PTPN4: variants seen among roughly 807,000 people sequenced by gnomAD.
PTPN4 encodes tyrosine-protein phosphatase non-receptor type 4.
PTPN4 carries 49 observed loss-of-function variants against 135.5 expected under a neutral mutation model. The observed-to-expected ratio is 0.36, with a 90% CI of 0.29 to 0.46. PTPN4 has a LOEUF of 0.46. Among genes scored for constraint, PTPN4 ranks in the 20% least tolerant of loss-of-function variants. The pLI, the probability that PTPN4 is intolerant of heterozygous loss-of-function variation, is 1.00. For missense variants in PTPN4, 860 were observed against 1,101.0 expected (o/e 0.78, Z 3.10); for synonymous variants, 333 against 369.9 (o/e 0.90, Z 1.14).
At chr2:119,842,562 C>T (rs1677397378) in intron 2 of PTPN4, among the ~76,000 whole-genome samples, 2 of 152,168 alleles carry the variant, frequency 1.3e-5, no homozygotes, top group African/African-American at 4.8e-5. Flanking sequence ...CAGAAAAATT[C>T]AGGTGGACTC....
chr2:119,949,123 T>C (rs1333042005), intron 18 of PTPN4, among the ~76,000 whole-genome samples: 1 of 152,176 alleles, frequency 6.6e-6, no homozygotes, highest in Non-Finnish European at 1.5e-5. Context: ...AACAGAATTC[T>C]AAGACTGTTA....
intron 2 of PTPN4, among the ~76,000 whole-genome samples, chr2:119,842,544 A>G (rs1238996343): frequency 6.6e-6 from 1 of 152,248 alleles, no homozygotes; most frequent in Non-Finnish European, 1.5e-5. Context: ...AAAAAAAGCT[A>G]TAGAAAACAG....
At chr2:119,772,726 A>G (rs1690757546) in intron 1 of PTPN4, among the ~76,000 whole-genome samples, 1 of 152,028 alleles carries the variant, frequency 6.6e-6, no homozygotes, top group African/African-American at 2.4e-5. Flanking sequence ...TTTGGTAGAG[A>G]CGGGGTTTCA....
At chr2:119,940,629 T>TA (rs1277984810) in intron 15 of PTPN4, among the ~76,000 whole-genome samples, 3 of 152,076 alleles carry the variant, frequency 2.0e-5, no homozygotes, top group Admixed American at 1.3e-4. Context: ...TTTATTTTTT[T>TA]AAAAAAATTT....
intron 9 of PTPN4, among the ~76,000 whole-genome samples, chr2:119,892,327 C>T (rs902867867): frequency 7.2e-5 from 11 of 152,086 alleles, no homozygotes; most frequent in African/African-American, 1.7e-4. Flanking sequence ...TAAATAGGTA[C>T]GTGTATGTAT....
intron 15 of PTPN4, among the ~76,000 whole-genome samples, chr2:119,938,604 A>G (rs909215886): frequency 6.6e-6 from 1 of 152,158 alleles, no homozygotes; most frequent in African/African-American, 2.4e-5. Flanking sequence ...GATATTTACT[A>G]ATCTTGCTTT....
chr2:119,971,121 TCA>T (rs1679527198), intron 26 of PTPN4, among the ~76,000 whole-genome samples: 1 of 152,152 alleles, frequency 6.6e-6, no homozygotes, highest in African/African-American at 2.4e-5. Context: ...CTTAATTGAC[TCA>T]CAGTTCCCCA....
At chr2:119,928,757 A>T (rs1678860684) in intron 13 of PTPN4, among the ~76,000 whole-genome samples, 1 of 152,106 alleles carries the variant, frequency 6.6e-6, no homozygotes, top group Admixed American at 6.5e-5. Context: ...TCCTTTCTTA[A>T]CAAGTGTCTT....
At chr2:119,801,853 C>A (rs953490763) in intron 1 of PTPN4, among the ~76,000 whole-genome samples, 6 of 149,628 alleles carry the variant, frequency 4.0e-5, no homozygotes, top group African/African-American at 1.5e-4. Context: ...TTAATTTATT[C>A]CTGTATGCTA....
intron 3 of PTPN4, among the ~76,000 whole-genome samples, chr2:119,876,516 G>C (rs1221388599): frequency 6.6e-6 from 1 of 151,968 alleles, no homozygotes; most frequent in Non-Finnish European, 1.5e-5. Context: ...TTAATTATGG[G>C]TGGTAGAAGT....
chr2:119,945,034 T>A, intron 15 of PTPN4, 47 bp from the exon 16 acceptor site: 1 of 1,538,292 alleles, frequency 6.5e-7, no homozygotes, highest in African/African-American at 1.4e-5. Flanking sequence ...TGACCCTAAC[T>A]TTTAAAAAAG....
At chr2:119,821,292 C>G (rs1677065238) in intron 2 of PTPN4, among the ~76,000 whole-genome samples, 1 of 151,840 alleles carries the variant, frequency 6.6e-6, no homozygotes, top group African/African-American at 2.4e-5. Context: ...GAGGTTTCAC[C>G]ATGTTGGCCA....
intron 5 of PTPN4, among the ~76,000 whole-genome samples, chr2:119,878,114 A>G (rs1464713992): frequency 6.6e-6 from 1 of 152,182 alleles, no homozygotes; most frequent in Non-Finnish European, 1.5e-5. Context: ...TTGACTCTCC[A>G]TTTTAAGTCT....
chr2:119,768,442 G>A (rs1246498219), intron 1 of PTPN4, among the ~76,000 whole-genome samples: 1 of 152,054 alleles, frequency 6.6e-6, no homozygotes, highest in African/African-American at 2.4e-5. Flanking sequence ...TCACTTTTAG[G>A]GGGATAGAGC....
rs140084463 is a variant in PTPN4 at position 119,814,258 on chromosome 2, A to G, written c.138+4267A>G. Among the ~76,000 whole-genome samples the G allele has an allele frequency of 3.2e-4, 48 of 152,264 alleles. 1 individual carries two copies. The East Asian group carries it at 9.3e-3, about 29-fold the overall frequency. ...TTCACTATGTAGATTTTTTCTTATT[A>G]TGCAGGCTCTGTCTGTACAATACAG... is the stretch of plus-strand genomic sequence containing the variant. On this transcript the variant is annotated intron_variant, in intron 2 of 26. Transcript: ENST00000263708.
At chr2:119,899,498 T>G (rs1048594020) in intron 9 of PTPN4, among the ~76,000 whole-genome samples, 5 of 152,194 alleles carry the variant, frequency 3.3e-5, no homozygotes, top group African/African-American at 1.2e-4. Context: ...TAAGGATTCC[T>G]CAAAATGTCT....
intron 9 of PTPN4, among the ~76,000 whole-genome samples, chr2:119,900,494 TTTAGA>T (rs1315356258): frequency 4.6e-5 from 7 of 152,170 alleles, no homozygotes; most frequent in Non-Finnish European, 1.0e-4. Flanking sequence ...TCCATTTTAC[TTTAGA>T]TTAAAGAATT....
intron 9 of PTPN4, among the ~76,000 whole-genome samples, chr2:119,896,585 C>T (rs562913354): frequency 1.3e-5 from 2 of 152,156 alleles, no homozygotes; most frequent in Non-Finnish European, 2.9e-5. Flanking sequence ...TGCTAGCAGC[C>T]ATTTATGCTG....
chr2:119,960,648 C>G (rs892513464), intron 22 of PTPN4, 159 bp from the exon 23 acceptor site: 2 of 579,854 alleles, frequency 3.4e-6, no homozygotes, highest in African/African-American at 3.9e-5. Context: ...ATTTCTTCTA[C>G]AGATAAAATA....
Sources: gnomAD v4.1 joint callset for allele counts (sites outside exome capture counted in the v4.1 genomes callset) on GRCh38, gnomAD v4.1.1 for gene constraint, MANE v1.5 for transcripts, NCBI Gene and HGNC (gene_info 2026-07-23, HGNC 2026-07-21) for gene names.